Variants in CSGALNACT1 observed in about 807,000 individuals in gnomAD.
CSGALNACT1 encodes the protein beta4GalNAcT-1.
In CSGALNACT1, 52 loss-of-function variants were observed where a neutral mutation model predicts 51.0. The observed-to-expected ratio is 1.02, with a 90% CI of 0.82 to 1.29. The LOEUF is 1.29. Ranked by LOEUF, CSGALNACT1 falls within the 50% of genes most tolerant of loss-of-function variation. The pLI is 0.00. For missense variants in CSGALNACT1, 935 were observed against 679.2 expected (o/e 1.38, Z -4.19); for synonymous variants, 341 against 254.4 (o/e 1.34, Z -3.24).
intron 6 of CSGALNACT1, among the ~76,000 whole-genome samples, chr8:19,429,228 G>C (rs1417631252): frequency 6.6e-6 from 1 of 152,210 alleles, no homozygotes; most frequent in Non-Finnish European, 1.5e-5. Context: ...CCAGGCTGGA[G>C]TACAGTGGTG....
chr8:19,580,903 A>T (rs1407509089), intron 3 of CSGALNACT1, among the ~76,000 whole-genome samples: 1 of 152,224 alleles, frequency 6.6e-6, no homozygotes, highest in Non-Finnish European at 1.5e-5. Context: ...AGACACAGAA[A>T]AGTTTTATTG....
chr8:19,452,758 A>G (rs1311846115), intron 5 of CSGALNACT1, among the ~76,000 whole-genome samples: 1 of 151,886 alleles, frequency 6.6e-6, no homozygotes, highest in Non-Finnish European at 1.5e-5. Context: ...TGATACCTCT[A>G]CCCCTTGGGA....
intron 1 of CSGALNACT1, among the ~76,000 whole-genome samples, chr8:19,731,913 T>C (rs1200436263): frequency 6.6e-6 from 1 of 152,232 alleles, no homozygotes; most frequent in East Asian, 1.9e-4. Context: ...AACCAAGCTG[T>C]CAGGCCGTGC....
chr8:19,703,470 A>G (rs1398222691), intron 1 of CSGALNACT1, among the ~76,000 whole-genome samples: 1 of 152,042 alleles, frequency 6.6e-6, no homozygotes, highest in Non-Finnish European at 1.5e-5. Context: ...AGCCCGGCTA[A>G]TTTTCTGTAT....
chr8:19,527,932 C>T (rs1032752214), intron 3 of CSGALNACT1, among the ~76,000 whole-genome samples: 6 of 151,966 alleles, frequency 3.9e-5, no homozygotes, highest in Admixed American at 6.6e-5. Context: ...GGAATCAAAC[C>T]GTAAGACTGA....
At chr8:19,510,193 C>T (rs999042551) in intron 3 of CSGALNACT1, among the ~76,000 whole-genome samples, 1 of 152,190 alleles carries the variant, frequency 6.6e-6, no homozygotes. Context: ...TGATGCATCA[C>T]ATCTGAAACT....
chr8:19,523,021 G>T (rs1352053817), intron 3 of CSGALNACT1, among the ~76,000 whole-genome samples: 1 of 152,148 alleles, frequency 6.6e-6, no homozygotes, highest in Non-Finnish European at 1.5e-5. Flanking sequence ...AGATAAGTTG[G>T]AATATGATCC....
chr8:19,680,164 C>G (rs988148644), intron 1 of CSGALNACT1, among the ~76,000 whole-genome samples: 1 of 152,084 alleles, frequency 6.6e-6, no homozygotes, highest in Non-Finnish European at 1.5e-5. Context: ...TATAGTTGGC[C>G]CCCTGCATCC....
chr8:19,662,481 C>G (rs998593463), intron 1 of CSGALNACT1, among the ~76,000 whole-genome samples: 2 of 152,170 alleles, frequency 1.3e-5, no homozygotes, highest in African/African-American at 4.8e-5. Flanking sequence ...CAAAGTTAAA[C>G]TGTTAGGCTG....
intron 3 of CSGALNACT1, among the ~76,000 whole-genome samples, chr8:19,540,641 C>T (rs1355492074): frequency 6.6e-6 from 1 of 152,188 alleles, no homozygotes; most frequent in Admixed American, 6.5e-5. Context: ...CTACTTCCTT[C>T]TCCTGCCTCA....
chr8:19,419,134 C>G (rs1259967649), intron 7 of CSGALNACT1, among the ~76,000 whole-genome samples: 1 of 152,198 alleles, frequency 6.6e-6, no homozygotes, highest in East Asian at 1.9e-4. Flanking sequence ...GCATGAGCCA[C>G]TGCGCCCGGC....
intron 2 of CSGALNACT1, among the ~76,000 whole-genome samples, chr8:19,594,846 C>T (rs1175974028): frequency 6.6e-6 from 1 of 152,108 alleles, no homozygotes; most frequent in East Asian, 1.9e-4. Flanking sequence ...GCCACCACAC[C>T]CGGACTTTAA....
At chr8:19,404,685 A>G in exon 10 of CSGALNACT1, 1 of 454,304 alleles carries the variant, frequency 2.2e-6, no homozygotes, top group South Asian at 1.6e-5. Context: ...TTTTGAAAAG[A>G]GATTGTTTGG....
chr8:19,598,090 G>C (rs1430754565), intron 2 of CSGALNACT1, among the ~76,000 whole-genome samples: 4 of 152,192 alleles, frequency 2.6e-5, no homozygotes, highest in African/African-American at 9.7e-5. Flanking sequence ...TGGGACAGCA[G>C]AATAAGACAT....
chr8:19,455,150 G>A (rs1185911303), intron 5 of CSGALNACT1, among the ~76,000 whole-genome samples: 11 of 152,060 alleles, frequency 7.2e-5, no homozygotes, highest in Admixed American at 5.9e-4. Flanking sequence ...TTTATTCCTC[G>A]TGCTGTTCTA....
intron 3 of CSGALNACT1, among the ~76,000 whole-genome samples, chr8:19,561,932 G>A (rs949241658): frequency 1.3e-5 from 2 of 152,140 alleles, no homozygotes; most frequent in Admixed American, 1.3e-4. Flanking sequence ...CATGCGGCCT[G>A]ATCATGCCTG....
intron 3 of CSGALNACT1, among the ~76,000 whole-genome samples, chr8:19,550,682 G>A (rs976978747): frequency 2.0e-5 from 3 of 152,066 alleles, no homozygotes; most frequent in African/African-American, 7.2e-5. Flanking sequence ...ATGTCACTGG[G>A]TGAGGACATA....
chr8:19,663,941 T>C (rs2058974524), intron 1 of CSGALNACT1, among the ~76,000 whole-genome samples: 1 of 152,178 alleles, frequency 6.6e-6, no homozygotes, highest in Non-Finnish European at 1.5e-5. Flanking sequence ...CAAATGTCAC[T>C]CTTGTACAAA....
chr8:19,488,371 AT>A, intron 4 of CSGALNACT1, among the ~76,000 whole-genome samples: 1 of 288 alleles, frequency 3.5e-3, no homozygotes, highest in Non-Finnish European at 5.7e-3. Flanking sequence ...TTATATATAC[AT>A]ATATATATAT....
Sources: allele counts gnomAD v4.1 joint callset (sites outside exome capture counted in the v4.1 genomes callset), GRCh38; gene constraint gnomAD v4.1.1; transcripts MANE v1.5; gene names NCBI Gene and HGNC (gene_info 2026-07-23, HGNC 2026-07-21).